The following AFF1 variants were observed in gnomAD, a reference collection of about 807,000 sequenced individuals.
The protein encoded by AFF1 is AF4/FMR2 family member 1.
AFF1 carries 48 observed loss-of-function variants against 121.7 expected under a neutral mutation model. That is an observed-to-expected ratio of 0.39 (90% CI 0.31 to 0.50). AFF1 has a LOEUF of 0.50. AFF1 is among the 20% of genes least tolerant of loss of function. The pLI, the probability that AFF1 is intolerant of heterozygous loss-of-function variation, is 0.76. For missense variants in AFF1, 1,523 were observed against 1,511.7 expected, an observed-to-expected ratio of 1.01 and a Z score of -0.12; for synonymous variants, 613 against 563.0, an observed-to-expected ratio of 1.09 and a Z score of -1.26.
At chr4:87,062,293 T>C (rs1218584254) in intron 4 of AFF1, among the ~76,000 whole-genome samples, 1 of 152,174 alleles carries the variant, frequency 6.6e-6, no homozygotes, top group African/African-American at 2.4e-5. Flanking sequence ...TCCAAGATGG[T>C]GTATCTTGCT....
chr4:87,099,531 C>T (rs975002476), intron 8 of AFF1, among the ~76,000 whole-genome samples: 17 of 152,186 alleles, frequency 1.1e-4, no homozygotes, highest in Non-Finnish European at 2.4e-4. Flanking sequence ...ACCTTAGCCT[C>T]TCGAGTAGCT....
intron 2 of AFF1, among the ~76,000 whole-genome samples, chr4:86,992,291 AC>A (rs1366383644): frequency 6.6e-6 from 1 of 152,126 alleles, no homozygotes; most frequent in East Asian, 1.9e-4. Flanking sequence ...GTGACATTGT[AC>A]TTGGCTTAAA....
At chr4:87,085,730 A>C (rs1158091162) in intron 5 of AFF1, among the ~76,000 whole-genome samples, 1 of 151,256 alleles carries the variant, frequency 6.6e-6, no homozygotes. Context: ...TGAGAAAGAA[A>C]GAACCTCTAG....
At position 86,997,200 on chromosome 4, in the gene AFF1, C is replaced by T. The variant is rs966255646; in HGVS notation, c.38+48629C>T. Among the ~76,000 whole-genome samples, 9 of 152,222 alleles carry T rather than the reference C, an allele frequency of 5.9e-5. No homozygotes were observed. The East Asian group carries it at 1.6e-3, about 26-fold the overall frequency. On this transcript the variant is annotated intron_variant, in intron 2 of 20. Transcript: ENST00000395146. ...GTGCTGGGATTACAGGCATGAGCCA[C>T]CACGCTTGGCCTGAACTGGTGGCTT...
rs35457894 is a variant in AFF1 at position 87,138,490 on chromosome 4, GGTGTGTGTGTGT to G, written c.*2810_*2821del. Reference sequence around the variant, plus strand: ...GTAAATCTTGCCTTTGGCACTACAAGGTGTGTGTGTGTGTGTGTGTGTGTGTGTGTGTCTTTA... The same window carrying G: ...GTAAATCTTGCCTTTGGCACTACAAGGTGTGTGTGTGTGTGTGTGTCTTTA... On this transcript the variant is annotated 3_prime_UTR_variant, in exon 21 of 21. Transcript: ENST00000395146. 39 of 218,650 alleles carry G rather than the reference GGTGTGTGTGTGT, an allele frequency of 1.8e-4. No individual in the cohort carries two copies. The highest frequency in any genetic ancestry group is 5.7e-4 in the South Asian group (3 of 5,304). 13.5% of individuals were successfully genotyped at this position (218,650 alleles called of 1,614,324 possible). A position where few individuals can be genotyped will look rare whatever the true frequency, so the allele number is the denominator to read the frequency against.
chr4:86,998,276 T>C (rs1179415137), intron 2 of AFF1, among the ~76,000 whole-genome samples: 1 of 152,136 alleles, frequency 6.6e-6, no homozygotes, highest in Non-Finnish European at 1.5e-5. Context: ...TGACAACAGA[T>C]GTCCCTGGAG....
chr4:87,086,776 T>C (rs534523206), intron 5 of AFF1, among the ~76,000 whole-genome samples: 90 of 152,362 alleles, frequency 5.9e-4, no homozygotes, highest in Non-Finnish European at 1.1e-3. Context: ...GTTCTCATCT[T>C]GTACCAGCAA....
At chr4:87,084,946 A>G (rs1006263763) in intron 5 of AFF1, among the ~76,000 whole-genome samples, 25 of 152,362 alleles carry the variant, frequency 1.6e-4, no homozygotes, top group African/African-American at 5.3e-4. Context: ...CCTAATACCT[A>G]TGGCCTCATA....
intron 1 of AFF1, among the ~76,000 whole-genome samples, chr4:86,944,363 T>C (rs1720691106): frequency 1.2e-5 from 1 of 82,530 alleles, no homozygotes; most frequent in Admixed American, 1.8e-4. Flanking sequence ...AGAAGAATAA[T>C]TTTCTGGAGG....
chr4:86,944,729 T>C (rs1720729961), intron 1 of AFF1, among the ~76,000 whole-genome samples: 1 of 152,210 alleles, frequency 6.6e-6, no homozygotes, highest in African/African-American at 2.4e-5. Flanking sequence ...TGTACTAGGT[T>C]TGGAAGCACT....
At chr4:87,035,669 T>C (rs899921663) in intron 2 of AFF1, among the ~76,000 whole-genome samples, 1 of 151,914 alleles carries the variant, frequency 6.6e-6, no homozygotes, top group African/African-American at 2.4e-5. Context: ...TTTAGAAAAA[T>C]CAGTGACGCA....
At chr4:86,963,184 A>T (rs1722273086) in intron 2 of AFF1, among the ~76,000 whole-genome samples, 1 of 151,672 alleles carries the variant, frequency 6.6e-6, no homozygotes, top group Non-Finnish European at 1.5e-5. Flanking sequence ...AAAAAAAAAA[A>T]AAAAAAGCAT....
intron 1 of AFF1, among the ~76,000 whole-genome samples, chr4:86,938,874 C>T (rs960222651): frequency 6.6e-5 from 10 of 152,258 alleles, no homozygotes; most frequent in South Asian, 2.1e-4. Flanking sequence ...GTAGTATTCC[C>T]GAAGGGAAGA....
chr4:87,093,255 C>A (rs558044299), intron 7 of AFF1, among the ~76,000 whole-genome samples: 17 of 152,236 alleles, frequency 1.1e-4, no homozygotes, highest in South Asian at 8.3e-4. Context: ...CAGCTGCTTA[C>A]CCCCACATCT....
At chr4:87,066,898 A>G (rs1231272197) in intron 4 of AFF1, among the ~76,000 whole-genome samples, 4 of 152,190 alleles carry the variant, frequency 2.6e-5, no homozygotes, top group Non-Finnish European at 5.9e-5. Flanking sequence ...CACATTAATT[A>G]ATTCAGAATT....
chr4:87,084,269 T>A, intron 5 of AFF1, 105 bp downstream of exon 5: 1 of 1,251,942 alleles, frequency 8.0e-7, no homozygotes, highest in Non-Finnish European at 1.2e-6. Context: ...CTGGGTGCGG[T>A]GGCTCATGCC....
At chr4:87,122,376 A>G (rs1368282865) in intron 12 of AFF1, among the ~76,000 whole-genome samples, 1 of 152,108 alleles carries the variant, frequency 6.6e-6, no homozygotes, top group African/African-American at 2.4e-5. Flanking sequence ...ACCATTATTC[A>G]CTGTCTCTCA....
At chr4:87,092,550 G>T (rs1344462552) in intron 7 of AFF1, among the ~76,000 whole-genome samples, 2 of 151,998 alleles carry the variant, frequency 1.3e-5, no homozygotes, top group African/African-American at 4.8e-5. Context: ...TTCAGCCTGA[G>T]GGTTAAATCT....
At chr4:87,084,217 G>T (rs568480353) in intron 5 of AFF1, 53 bp downstream of exon 5, 3 of 1,558,816 alleles carry the variant, frequency 1.9e-6, no homozygotes, top group Non-Finnish European at 2.7e-6. Context: ...GTAGGTAGGC[G>T]TACATCCATT....
Sources: allele counts gnomAD v4.1 joint callset (sites outside exome capture counted in the v4.1 genomes callset), GRCh38; gene constraint gnomAD v4.1.1; transcripts MANE v1.5; gene names NCBI Gene and HGNC (gene_info 2026-07-23, HGNC 2026-07-21).